Variants in BHLHE41 observed in about 807,000 individuals in gnomAD.
BHLHE41 encodes basic helix-loop-helix family member e41.
BHLHE41 carries 14 observed loss-of-function variants against 24.0 expected under a neutral mutation model. That is an observed-to-expected ratio of 0.58 (90% CI 0.39 to 0.91). The LOEUF is 0.91. Ranked by LOEUF, BHLHE41 falls within the 40% of genes least tolerant of loss-of-function variation. The pLI, the probability that BHLHE41 is intolerant of heterozygous loss-of-function variation, is 0.00. For synonymous variants in BHLHE41, 394 were observed against 315.5 expected (o/e 1.25, Z -2.64); for missense variants, 674 against 655.4 (o/e 1.03, Z -0.31).
rs1591839126 is a variant in BHLHE41 at position 26,123,250 on chromosome 12, C to G, written c.347-82G>C. Reference sequence around the variant, plus strand: ...TACCCACGTTAAAACATCTGCTTATCACGTGGGCCCTGCATCGACTAAAGT... The same window carrying G: ...TACCCACGTTAAAACATCTGCTTATGACGTGGGCCCTGCATCGACTAAAGT... On this transcript the variant is annotated intron_variant, in intron 4 of 4. Coordinates refer to ENST00000242728, the MANE Select transcript of BHLHE41 (RefSeq NM_030762.3). The G allele has an allele frequency of 2.7e-6, 4 of 1,462,968 alleles. No individual in the cohort carries two copies. In the East Asian group the frequency reaches 9.5e-5, roughly 35 times the overall value. 90.6% of individuals were successfully genotyped at this position (1,462,968 alleles called of 1,614,324 possible). A position where few individuals can be genotyped will look rare whatever the true frequency, so the allele number is the denominator to read the frequency against.
intron 4 of BHLHE41, 87 bp downstream of exon 4, chr12:26,123,543 G>C: frequency 3.3e-6 from 3 of 919,874 alleles, no homozygotes; most frequent in Non-Finnish European, 5.5e-6. Context: ...GGAAAGAGAT[G>C]GGGTGCGGGT....
Position 26,122,314 on chromosome 12 carries a change from CTGCCGCGGCTGCCGCCGGGGCGGGGA to C in BHLHE41, c.1175_1200del (p.Ile392SerfsTer99). On this transcript the variant is annotated frameshift_variant, in exon 5 of 5. Coordinates refer to ENST00000242728, the MANE Select transcript of BHLHE41 (RefSeq NM_030762.3). LOFTEE classifies it high-confidence loss of function. ...GCGGCGGCGGCAGCGGCGGCGGCGG[CTGCCGCGGCTGCCGCCGGGGCGGGGA>C]TGCCGGGGTATAGCAGCGGGAACGG... 8.6e-7 allele frequency: 1 copy of C among 1,165,250 alleles called. No individual in the cohort carries two copies. The allele number at this position is 1,165,250 out of a possible 1,614,324, so 72.2% of individuals were successfully genotyped here. A position where few individuals can be genotyped will look rare whatever the true frequency, so the allele number is the denominator to read the frequency against.
In BHLHE41 at chr12:26,122,588, AG is replaced by A; in HGVS notation, c.926del (p.Pro309LeufsTer8). On this transcript the variant is annotated frameshift_variant, in exon 5 of 5. Transcript: ENST00000242728. LOFTEE classifies it high-confidence loss of function. Reference protein sequence around the residue: ...AAAAALLGPDPAAAAALLRPD... With the variant: ...AAAAALLGPDXAAAAALLRPD... ...GTCTCAGCAGCGCGGCCGCGGCGGC[AG>A]GGTCGGGCCCCAGAAGCGCGGCTGC... 1 of 1,101,958 alleles carries A rather than the reference AG, an allele frequency of 9.1e-7. No individual in the cohort carries two copies. Among genetic ancestry groups the A allele is most frequent in the Non-Finnish European group, 1.1e-6 (1 of 907,936 alleles). 68.3% of individuals were successfully genotyped at this position (1,101,958 alleles called of 1,614,324 possible).
Position 26,124,970 on chromosome 12 carries a change from GCACA to G in BHLHE41, c.-195_-192del. On this transcript the variant is annotated 5_prime_UTR_variant, in exon 1 of 5. Coordinates refer to ENST00000242728, the MANE Select transcript of BHLHE41 (RefSeq NM_030762.3). ...CTCCACCGCGCTCGCACACACACAC[GCACA>G]CACACGCACACTCGCGCCGGCCCCA... 5 of 634,100 alleles carry G rather than the reference GCACA, an allele frequency of 7.9e-6. No individual in the cohort carries two copies. In the South Asian group the frequency reaches 8.8e-5, roughly 11 times the overall value. 39.3% of individuals were successfully genotyped at this position (634,100 alleles called of 1,614,324 possible). A position where few individuals can be genotyped will look rare whatever the true frequency, so the allele number is the denominator to read the frequency against.
In BHLHE41 at chr12:26,122,180, G is replaced by A. The variant is rs1300914055; in HGVS notation, c.1335C>T (p.His445=). Reference sequence around the variant, plus strand: ...GGGTGCGGCCGTGCGGGTGCTGGGGGTGCGGCGCCCCAAGGGGCGCCACCT... The same window carrying A: ...GGGTGCGGCCGTGCGGGTGCTGGGGATGCGGCGCCCCAAGGGGCGCCACCT... ...PHEVAPLGAP[H]PQHPHGRTHL... is the part of the protein sequence containing the mutation. The change falls in exon 5 of 5, where the codon CAC becomes CAT. Residue 445 remains histidine, a synonymous_variant. Transcript: ENST00000242728. The A allele has an allele frequency of 2.0e-6, 3 of 1,492,838 alleles. No homozygotes were observed. Among genetic ancestry groups the A allele is most frequent in the African/African-American group, 1.4e-5 (1 of 69,186 alleles). The allele number at this position is 1,492,838 out of a possible 1,614,324, so 92.5% of individuals were successfully genotyped here.
At position 26,123,637 on chromosome 12, in the gene BHLHE41, T is replaced by G. The variant is rs750972946; in HGVS notation, c.339A>C (p.Leu113Phe). The change falls in exon 4 of 5, where the codon TTA (leucine) becomes TTC (phenylalanine). Residue 113 changes from leucine (L) to phenylalanine (F), a missense_variant. By Grantham distance (22) the Leu-to-Phe change is conservative (BLOSUM62 0). Around this residue, in one of 3 missense-constraint regions of BHLHE41, gnomAD observed 602 missense variants for 570.8 expected, o/e 1.05. Transcript: ENST00000242728. Reference protein sequence around the residue: ...TEQQHQKIIALQNGERSLKSP... With the variant: ...TEQQHQKIIAFQNGERSLKSP... ...CTCCCTGAACTGACTTACCATTCTGTAAAGCAATTATCTTCTGATGCTGTT... is the reference window on the plus strand; with the variant it reads ...CTCCCTGAACTGACTTACCATTCTGGAAAGCAATTATCTTCTGATGCTGTT... The G allele has an allele frequency of 4.3e-6, 7 of 1,612,426 alleles. No individual in the cohort carries two copies. Among genetic ancestry groups the G allele is most frequent in the Non-Finnish European group, 2.5e-6 (3 of 1,178,420 alleles).
rs753565505 is a variant in BHLHE41 at position 26,122,813 on chromosome 12, G to T, written c.702C>A (p.Asn234Lys). ...CGTAGCCGCTGTCGGTGTCCGTGTC[G>T]TTCTCGGCGGCGAGCTCGGCGCTGG... ...TQPSAELAAENDTDTDSGYGG... is the reference protein window; with the variant it reads ...TQPSAELAAEKDTDTDSGYGG... The change falls in exon 5 of 5, where the codon AAC becomes AAA. Residue 234 changes from asparagine to lysine, a missense_variant. By Grantham distance (94) the Asn-to-Lys change is moderately conservative (BLOSUM62 0). Coordinates refer to ENST00000242728, the MANE Select transcript of BHLHE41 (RefSeq NM_030762.3). 3 of 1,590,070 alleles carry T rather than the reference G, an allele frequency of 1.9e-6. No homozygotes were observed. In the African/African-American group the frequency reaches 4.1e-5, roughly 21 times the overall value.
chr12:26,124,252 T>TTGGGGGGGGGGGG, intron 2 of BHLHE41, 73 bp from the exon 3 acceptor site: 2 of 879,440 alleles, frequency 2.3e-6, no homozygotes, highest in East Asian at 2.7e-5. Flanking sequence ...TACCCTCGTC[T>TTGGGGGGGGGGGG]GCCCCCCCCG....
Position 26,122,924 on chromosome 12 carries a change from C to T in BHLHE41, c.591G>A (p.Gly197=), listed in dbSNP as rs1248598807. 1.6e-5 allele frequency: 25 copies of T among 1,550,388 alleles called. No individual in the cohort carries two copies. Among genetic ancestry groups the T allele is most frequent in the Non-Finnish European group, 2.1e-5 (24 of 1,146,540 alleles). Residue 197 remains glycine, a synonymous_variant, in exon 5 of 5, where the codon GGG becomes GGA. Coordinates refer to ENST00000242728, the MANE Select transcript of BHLHE41 (RefSeq NM_030762.3). ...SKGTGAPSAA[G]SAAAPCLERA... is the part of the protein sequence containing the mutation. ...GCTCCAGGCAGGGGGCGGCCGCGGACCCGGCGGCCGAGGGAGCGCCGGTGC... is the reference window on the plus strand; with the variant it reads ...GCTCCAGGCAGGGGGCGGCCGCGGATCCGGCGGCCGAGGGAGCGCCGGTGC...
rs534255183 is a variant in BHLHE41 at position 26,122,783 on chromosome 12, G to T, written c.732C>A (p.Gly244=). 1.3e-6 allele frequency: 2 copies of T among 1,582,792 alleles called. No homozygotes were observed. The highest frequency in any genetic ancestry group is 1.7e-5 in the Admixed American group (1 of 57,172). The change falls in exon 5 of 5, where the codon GGC becomes GGA. Residue 244 remains glycine (G), a synonymous_variant. Coordinates refer to ENST00000242728, the MANE Select transcript of BHLHE41 (RefSeq NM_030762.3). ...NDTDTDSGYG[G]EAEARPDREK... is the part of the protein sequence containing the mutation. ...CGCGGTCCGGCCGGGCCTCGGCTTC[G>T]CCGCCGTAGCCGCTGTCGGTGTCCG...
rs1565665881 is a variant in BHLHE41, at chr12:26,124,705, G to A, written c.62+13C>T. ...AGCCTAGACAGATATTCGCAAGGGT[G>A]CGTGCACCTTACCCTATAAAATCTC... On this transcript the variant is annotated intron_variant, in intron 1 of 4. Transcript: ENST00000242728. 6.2e-7 allele frequency: 1 copy of A among 1,613,694 alleles called. No individual in the cohort carries two copies. The highest frequency in any genetic ancestry group is 1.3e-5 in the African/African-American group (1 of 75,054).
In BHLHE41 at chr12:26,124,090, A is replaced by G. The variant is rs747801913; in HGVS notation, c.216T>C (p.Pro72=). Residue 72 remains proline, a synonymous_variant, in exon 3 of 5, where the codon CCT becomes CCC. Coordinates refer to ENST00000242728, the MANE Select transcript of BHLHE41 (RefSeq NM_030762.3). ...ECIAQLKDLL[P]EHLKLTTLGH... ...ATCTTACTGTCAATTTCAGATGTTC[A>G]GGCAGTAAATCTTTCAGCTGAGCAA... is the stretch of plus-strand genomic sequence containing the variant. The G allele has an allele frequency of 6.8e-6, 11 of 1,607,778 alleles. No individual in the cohort carries two copies. In the East Asian group the frequency reaches 2.0e-4, roughly 29 times the overall value.
Position 26,123,101 on chromosome 12 carries a change from G to A in BHLHE41, c.414C>T (p.Cys138=), listed in dbSNP as rs1405607875. The A allele has an allele frequency of 3.7e-6, 6 of 1,608,192 alleles. No individual in the cohort carries two copies. Among genetic ancestry groups the A allele is most frequent in the Non-Finnish European group, 5.1e-6 (6 of 1,177,226 alleles). The change falls in exon 5 of 5, where the codon TGC becomes TGT. Residue 138 remains cysteine (C), a synonymous_variant. Coordinates refer to ENST00000242728, the MANE Select transcript of BHLHE41 (RefSeq NM_030762.3). ...AGAGGTATTGCAAGACTTCTTTGGC[G>A]CATGTTTGAAATCCCGAGTGGAACG... The part of the protein sequence containing the change: ...LDAFHSGFQT[C]AKEVLQYLSR...
At position 26,124,030 on chromosome 12, in the gene BHLHE41, A is replaced by G. The variant is rs776829500; in HGVS notation, c.234+42T>C. ...CTGGGAGTCGCACCAGACTATTAAC[A>G]CGCCCTTGGAGAGCAGCAAAGAATG... On this transcript the variant is annotated intron_variant, in intron 3 of 4. Coordinates refer to ENST00000242728, the MANE Select transcript of BHLHE41 (RefSeq NM_030762.3). 4 of 1,314,234 alleles carry G rather than the reference A, an allele frequency of 3.0e-6. No individual in the cohort carries two copies. The Admixed American group carries it at 6.7e-5, about 22-fold the overall frequency. 81.4% of individuals were successfully genotyped at this position (1,314,234 alleles called of 1,614,324 possible).
rs766087804 is a variant in BHLHE41 at position 26,122,812 on chromosome 12, C to T, written c.703G>A (p.Asp235Asn). ...QPSAELAAEN[D>N]TDTDSGYGGE... The stretch of plus-strand genomic sequence containing the variant: ...CCGTAGCCGCTGTCGGTGTCCGTGT[C>T]GTTCTCGGCGGCGAGCTCGGCGCTG... The change falls in exon 5 of 5, where the codon GAC (aspartate) becomes AAC (asparagine). Residue 235 changes from aspartate to asparagine, a missense_variant. Physicochemically the swap from Asp to Asn is conservative, Grantham distance 23 (BLOSUM62 1). Coordinates refer to ENST00000242728, the MANE Select transcript of BHLHE41 (RefSeq NM_030762.3). The T allele has an allele frequency of 6.3e-7, 1 of 1,590,276 alleles. No individual in the cohort carries two copies. The highest frequency in any genetic ancestry group is 8.5e-7 in the Non-Finnish European group (1 of 1,172,974).
chr12:26,124,394 T>C, intron 2 of BHLHE41, 125 bp downstream of exon 2: 1 of 1,115,372 alleles, frequency 9.0e-7, no homozygotes. Flanking sequence ...GCAAGCCACT[T>C]AAAATTCACA....
At position 26,122,375 on chromosome 12, in the gene BHLHE41, C is replaced by A. The variant is rs998139698; in HGVS notation, c.1140G>T (p.Ala380=). ...SGLEKYLYPA[A]AAAPFPLLYP... is the part of the protein sequence containing the mutation. ...ATAGCAGCGGGAACGGGGCGGCAGC[C>A]GCCGCCGGGTACAGATACTTCTCCA... Residue 380 remains alanine, a synonymous_variant, in exon 5 of 5, where the codon GCG becomes GCT. Coordinates refer to ENST00000242728, the MANE Select transcript of BHLHE41 (RefSeq NM_030762.3). The A allele has an allele frequency of 2.5e-6, 3 of 1,204,484 alleles. No individual in the cohort carries two copies. Among genetic ancestry groups the A allele is most frequent in the African/African-American group, 3.2e-5 (2 of 62,316 alleles). 74.6% of individuals were successfully genotyped at this position (1,204,484 alleles called of 1,614,324 possible).
chr12:26,123,886 G>A (rs1944337470), intron 3 of BHLHE41, 145 bp from the exon 4 acceptor site: 2 of 759,050 alleles, frequency 2.6e-6, no homozygotes, highest in East Asian at 2.6e-5. Context: ...CCACAAGACA[G>A]GTTATAAATG....
rs1008675042 is a variant in BHLHE41 at position 26,123,958 on chromosome 12, A to G, written c.234+114T>C. The G allele has an allele frequency of 7.0e-6, 6 of 858,018 alleles. No individual in the cohort carries two copies. The African/African-American group carries it at 8.4e-5, about 12-fold the overall frequency. The allele number at this position is 858,018 out of a possible 1,614,324, so 53.2% of individuals were successfully genotyped here. ...TGCGGGAAACTCTGTACGGTATAGC[A>G]CAAGTTTTAAGTCAGGAACTTATAT... On this transcript the variant is annotated intron_variant, in intron 3 of 4. Transcript: ENST00000242728.
Sources: allele counts gnomAD v4.1 joint callset, GRCh38; gene constraint gnomAD v4.1.1; regional missense constraint gnomAD v4.1.1; transcripts MANE v1.5; gene names NCBI Gene and HGNC (gene_info 2026-07-23, HGNC 2026-07-21).